The following PDE4D variants were observed in gnomAD, a reference collection of about 807,000 sequenced individuals.
PDE4D encodes the protein phosphodiesterase 4D, also known as 3',5'-cyclic-AMP phosphodiesterase 4D.
PDE4D carries 24 observed loss-of-function variants against 87.4 expected under a neutral mutation model. The ratio of observed to expected loss-of-function variants is 0.27; its 90% confidence interval spans 0.20 to 0.39. The LOEUF (loss-of-function observed/expected upper bound fraction) is 0.39, where lower values mean the gene tolerates loss of function less well. Ranked by LOEUF, PDE4D falls within the 10% of genes least tolerant of loss-of-function variation. The pLI, the probability that PDE4D is intolerant of heterozygous loss-of-function variation, is 1.00. For missense variants in PDE4D, 714 were observed against 1,041.0 expected, an observed-to-expected ratio of 0.69 and a Z score of 4.32; for synonymous variants, 384 against 383.2, an observed-to-expected ratio of 1.00 and a Z score of -0.02.
intron 1 of PDE4D, among the ~76,000 whole-genome samples, chr5:59,301,770 T>C (rs1246615431): frequency 1.3e-5 from 2 of 151,868 alleles, no homozygotes; most frequent in Non-Finnish European, 2.9e-5. Context: ...ATGAGCAGGG[T>C]AGGAGAGTGC....
chr5:59,952,611 G>T (rs185960173), intron 3 of PDE4D, among the ~76,000 whole-genome samples: 3 of 152,292 alleles, frequency 2.0e-5, no homozygotes, highest in Non-Finnish European at 4.4e-5. Flanking sequence ...AACCCATGAA[G>T]TGTGGTTGAA....
At chr5:60,470,746 C>T (rs555218589) in intron 1 of PDE4D, among the ~76,000 whole-genome samples, 2 of 151,950 alleles carry the variant, frequency 1.3e-5, no homozygotes, top group Admixed American at 6.6e-5. Context: ...TATGGTTTAC[C>T]GAATTTTTTA....
intron 1 of PDE4D, among the ~76,000 whole-genome samples, chr5:60,416,660 C>T (rs551321796): frequency 7.3e-4 from 111 of 152,334 alleles, no homozygotes; most frequent in African/African-American, 2.5e-3. Context: ...AGAACTGTAA[C>T]ACTCACCATG....
At chr5:60,186,690 T>G (rs1475137838) in intron 1 of PDE4D, among the ~76,000 whole-genome samples, 1 of 152,130 alleles carries the variant, frequency 6.6e-6, no homozygotes, top group Non-Finnish European at 1.5e-5. Flanking sequence ...TGTTGTAAGC[T>G]TCTCAAAAAA....
chr5:59,200,073 A>G (rs1431384818), intron 2 of PDE4D, among the ~76,000 whole-genome samples: 3 of 53,508 alleles, frequency 5.6e-5, no homozygotes, highest in African/African-American at 9.1e-5. Flanking sequence ...ACACACACGT[A>G]TGCACACATA....
chr5:59,304,463 T>G (rs1481537006), intron 1 of PDE4D, among the ~76,000 whole-genome samples: 1 of 152,156 alleles, frequency 6.6e-6, no homozygotes, highest in East Asian at 1.9e-4. Flanking sequence ...TGGGCATCAT[T>G]GTCTTGTTCC....
chr5:59,574,081 TA>T (rs1230652333), intron 1 of PDE4D, among the ~76,000 whole-genome samples: 2,164 of 6,870 alleles, frequency 0.31, 79 homozygotes, highest in South Asian at 0.48. Flanking sequence ...TTTATATATA[TA>T]TTTATATATA....
chr5:59,868,977 C>A (rs763272544), intron 1 of PDE4D, among the ~76,000 whole-genome samples: 1 of 152,160 alleles, frequency 6.6e-6, no homozygotes, highest in African/African-American at 2.4e-5. Context: ...AAGGGGCTAA[C>A]AAAAGTTGTA....
At chr5:60,448,271 T>C (rs1167834103) in intron 1 of PDE4D, among the ~76,000 whole-genome samples, 1 of 152,104 alleles carries the variant, frequency 6.6e-6, no homozygotes, top group Non-Finnish European at 1.5e-5. Flanking sequence ...ATTCAAAAAA[T>C]AATTACTTAA....
chr5:60,339,470 A>G (rs907180169), intron 1 of PDE4D, among the ~76,000 whole-genome samples: 1 of 152,116 alleles, frequency 6.6e-6, no homozygotes, highest in African/African-American at 2.4e-5. Flanking sequence ...CTCAGAACAG[A>G]ATGCAAATTA....
intron 2 of PDE4D, among the ~76,000 whole-genome samples, chr5:60,152,163 T>G (rs1294419545): frequency 1.3e-5 from 2 of 152,172 alleles, no homozygotes; most frequent in Non-Finnish European, 2.9e-5. Flanking sequence ...TTTCTAGTGT[T>G]TTGTTGAGGA....
chr5:59,310,647 C>G (rs1025609045), intron 1 of PDE4D, among the ~76,000 whole-genome samples: 3 of 152,222 alleles, frequency 2.0e-5, no homozygotes, highest in Non-Finnish European at 4.4e-5. Flanking sequence ...AGGCAATGTC[C>G]TCTTAGGTCT....
chr5:59,456,787 A>G (rs1554184730), intron 1 of PDE4D, among the ~76,000 whole-genome samples: 1 of 152,150 alleles, frequency 6.6e-6, no homozygotes, highest in Non-Finnish European at 1.5e-5. Context: ...GTTGATTCCA[A>G]CCCTCATGGA....
chr5:60,500,088 T>G (rs1749999463), intron 1 of PDE4D, among the ~76,000 whole-genome samples: 1 of 151,842 alleles, frequency 6.6e-6, no homozygotes, highest in Non-Finnish European at 1.5e-5. Flanking sequence ...ACAGGATAAC[T>G]TGAGCCCAGG....
At chr5:59,639,812 AGTGTGTGTGTGTGTGTGTGTGT>A (rs70975323) in intron 1 of PDE4D, among the ~76,000 whole-genome samples, 6 of 143,720 alleles carry the variant, frequency 4.2e-5, no homozygotes, top group African/African-American at 1.0e-4. Flanking sequence ...TAGTGTCTAT[AGTGTGTGTGTGTGTGTGTGTGT>A]GTGTGTGTGT....
intron 5 of PDE4D, among the ~76,000 whole-genome samples, chr5:59,052,615 T>C (rs1561394133): frequency 6.6e-6 from 1 of 152,168 alleles, no homozygotes; most frequent in East Asian, 1.9e-4. Flanking sequence ...TTACAAGCAA[T>C]AGAAAGAGTA....
At chr5:58,993,521 T>C in intron 6 of PDE4D, 56 bp from the exon 7 acceptor site, 1 of 1,066,180 alleles carries the variant, frequency 9.4e-7, no homozygotes, top group Non-Finnish European at 1.4e-6. Context: ...AAGTGAAATA[T>C]ATATGCATAC....
intron 1 of PDE4D, among the ~76,000 whole-genome samples, chr5:60,330,281 G>C (rs1757203662): frequency 6.6e-6 from 1 of 152,166 alleles, no homozygotes; most frequent in Admixed American, 6.5e-5. Flanking sequence ...TGTTAGATGT[G>C]ATGATATAAT....
intron 1 of PDE4D, among the ~76,000 whole-genome samples, chr5:59,232,811 C>CATATATATATAT (rs139070531): frequency 2.8e-5 from 4 of 143,508 alleles, no homozygotes; most frequent in African/African-American, 1.1e-4. Context: ...AGAGAAAATA[C>CATATATATATAT]ATATATATAT....
Sources: gnomAD v4.1 joint callset for allele counts (sites outside exome capture counted in the v4.1 genomes callset) on GRCh38, gnomAD v4.1.1 for gene constraint, MANE v1.5 for transcripts, NCBI Gene and HGNC (gene_info 2026-07-23, HGNC 2026-07-21) for gene names.